Variants in MID2 observed in about 807,000 individuals in gnomAD.
MID2 encodes the protein midline 2, also known as probable E3 ubiquitin-protein ligase MID2.
Under a neutral mutation model 46.1 loss-of-function variants are expected in MID2, and 13 were observed. The observed-to-expected ratio is 0.28, with a 90% CI of 0.18 to 0.45. MID2 has a LOEUF of 0.45. Among genes scored for constraint, MID2 ranks in the 20% least tolerant of loss-of-function variants. MID2 has a pLI of 1.00. For synonymous variants in MID2, 199 were observed against 212.3 expected, an observed-to-expected ratio of 0.94 and a Z score of 0.55; for missense variants, 431 against 575.4, an observed-to-expected ratio of 0.75 and a Z score of 2.57.
chrX:107,851,855 TTTTATTTATTTATTTATTTATTTA>T (rs199930811), intron 2 of MID2, among the ~76,000 whole-genome samples: 4 of 93,814 alleles, frequency 4.3e-5, no homozygotes, highest in Admixed American at 1.2e-4. Flanking sequence ...TCTTTATACT[TTTTATTTATTTATTTATTTATTTA>T]TTTATTTATT....
At chrX:107,859,603 A>T (rs1438022207) in intron 3 of MID2, among the ~76,000 whole-genome samples, 1 of 112,475 alleles carries the variant, frequency 8.9e-6, no homozygotes, top group Non-Finnish European at 1.9e-5. Flanking sequence ...TGGCAAATAG[A>T]ATGTGAAGTG....
chrX:107,858,782 C>G (rs762623939), intron 3 of MID2, among the ~76,000 whole-genome samples: 1 of 112,130 alleles, frequency 8.9e-6, no homozygotes, highest in African/African-American at 3.2e-5. Context: ...AAAACACTTT[C>G]CTGTATATTT....
At chrX:107,855,952 G>A (rs1165604662) in intron 3 of MID2, among the ~76,000 whole-genome samples, 1 of 111,865 alleles carries the variant, frequency 8.9e-6, no homozygotes, top group Non-Finnish European at 1.9e-5. Context: ...AAAAGAAAGA[G>A]CACTAGAGTG....
chrX:107,925,335 C>CA (rs773923582), intron 8 of MID2, among the ~76,000 whole-genome samples: 2 of 111,619 alleles, frequency 1.8e-5, no homozygotes, highest in East Asian at 5.6e-4. Context: ...ATGTGTTAGC[C>CA]AACAGTGTCT....
intron 6 of MID2, among the ~76,000 whole-genome samples, chrX:107,916,560 G>C (rs763983955): frequency 2.7e-5 from 3 of 111,859 alleles, no homozygotes; most frequent in South Asian, 3.7e-4. Flanking sequence ...AGAAATATCT[G>C]GCTCTCAGAC....
At chrX:107,903,481 T>C (rs1228130199) in intron 3 of MID2, among the ~76,000 whole-genome samples, 1 of 112,063 alleles carries the variant, frequency 8.9e-6, no homozygotes, top group Non-Finnish European at 1.9e-5. Flanking sequence ...CATGAATATA[T>C]GTTTAATGAT....
chrX:107,855,320 A>C (rs912765218), intron 3 of MID2, among the ~76,000 whole-genome samples: 1 of 112,114 alleles, frequency 8.9e-6, no homozygotes. Flanking sequence ...TGTCATCTAC[A>C]TCAAATCTTA....
rs184115237 is a variant in MID2, at chrX:107,917,429, G to A, written c.1202-77G>A. On this transcript the variant is annotated intron_variant, in intron 6 of 9. Transcript: ENST00000262843. ...ATCTCTTCAAGAGATGTTGGGTTAC[G>A]CAGGAAGAGTAACAATTGTAAAATT... 1.9e-3 allele frequency: 1,523 copies of A among 782,292 alleles called. 5 individuals are homozygous for A. Among genetic ancestry groups the A allele is most frequent in the Middle Eastern group, 3.5e-3 (9 of 2,587 alleles). 64.5% of individuals were successfully genotyped at this position (782,292 alleles called of 1,213,427 possible). A position where few individuals can be genotyped will look rare whatever the true frequency, so the allele number is the denominator to read the frequency against.
At chrX:107,840,554 C>T (rs374047323) in intron 1 of MID2, 116 bp from the exon 2 acceptor site, 6 of 585,489 alleles carry the variant, frequency 1.0e-5, no homozygotes, top group East Asian at 3.3e-5. Flanking sequence ...TTTTCTATTG[C>T]TTAAGCATCT....
intron 3 of MID2, among the ~76,000 whole-genome samples, chrX:107,897,319 A>T (rs146964879): frequency 0.02 from 2,216 of 111,382 alleles, 42 homozygotes; most frequent in African/African-American, 0.069. Flanking sequence ...AAAAAATTAC[A>T]CACTGAAGCT....
chrX:107,882,556 A>G (rs1400075873), intron 3 of MID2, among the ~76,000 whole-genome samples: 3 of 112,025 alleles, frequency 2.7e-5, no homozygotes, highest in East Asian at 2.8e-4. Context: ...ATGAACAGAC[A>G]CTTCTCAAAA....
intron 8 of MID2, 103 bp downstream of exon 8, chrX:107,924,607 T>C: frequency 3.4e-6 from 3 of 888,311 alleles, no homozygotes; most frequent in Non-Finnish European, 4.8e-6. Context: ...GGAGCAGTGG[T>C]ACTGGGTAGA....
intron 3 of MID2, chrX:107,895,784 GA>G (rs1283176559): frequency 8.9e-6 from 1 of 112,168 alleles, no homozygotes; most frequent in Non-Finnish European, 1.9e-5. Flanking sequence ...AAGAACACTG[GA>G]TAGGACTCAG....
intron 5 of MID2, among the ~76,000 whole-genome samples, chrX:107,914,888 C>T (rs1222016805): frequency 8.9e-6 from 1 of 112,227 alleles, no homozygotes; most frequent in African/African-American, 3.2e-5. Flanking sequence ...CTGACTCTTA[C>T]TGGTTGTGTG....
At chrX:107,859,684 G>A (rs1279287931) in intron 3 of MID2, among the ~76,000 whole-genome samples, 1 of 112,671 alleles carries the variant, frequency 8.9e-6, no homozygotes. Flanking sequence ...AGGCCTGCCT[G>A]AGAAACTTAG....
chrX:107,906,648 C>T (rs765874754), intron 5 of MID2, among the ~76,000 whole-genome samples: 29 of 111,999 alleles, frequency 2.6e-4, no homozygotes, highest in African/African-American at 9.1e-4. Flanking sequence ...TACAGTGGTG[C>T]GATCTTGGCT....
intron 6 of MID2, 21 bp downstream of exon 6, chrX:107,916,150 C>G (rs1417703688): frequency 9.2e-6 from 10 of 1,088,577 alleles, no homozygotes; most frequent in African/African-American, 3.8e-5. Flanking sequence ...ACTGTGCTTT[C>G]CTTTCCATTT....
chrX:107,868,374 A>T (rs1932000207), intron 3 of MID2, among the ~76,000 whole-genome samples: 1 of 111,771 alleles, frequency 8.9e-6, no homozygotes, highest in Non-Finnish European at 1.9e-5. Flanking sequence ...TTAAATAATG[A>T]TTTGAAAGAC....
intron 3 of MID2, among the ~76,000 whole-genome samples, chrX:107,880,525 A>G (rs1452241833): frequency 1.8e-5 from 2 of 111,467 alleles, no homozygotes; most frequent in Non-Finnish European, 3.8e-5. Context: ...GTCGGAGCAC[A>G]TGAGTGATTG....
Sources: gnomAD v4.1 joint callset for allele counts (sites outside exome capture counted in the v4.1 genomes callset) on GRCh38, gnomAD v4.1.1 for gene constraint, MANE v1.5 for transcripts, NCBI Gene and HGNC (gene_info 2026-07-23, HGNC 2026-07-21) for gene names.